Variants in NFASC observed in about 807,000 individuals in gnomAD.
NFASC encodes the protein neurofascin.
Under a neutral mutation model 147.5 loss-of-function variants are expected in NFASC, and 43 were observed. That is an observed-to-expected ratio of 0.29 (90% CI 0.23 to 0.38). The LOEUF (loss-of-function observed/expected upper bound fraction) is 0.38, where lower values mean the gene tolerates loss of function less well. NFASC is among the 10% of genes least tolerant of loss of function. NFASC has a pLI of 1.00. For synonymous variants in NFASC, 622 were observed against 665.5 expected (o/e 0.93, Z 1.01); for missense variants, 1,320 against 1,689.0 (o/e 0.78, Z 3.83).
At chr1:204,980,679 G>T (rs146980214) in intron 20 of NFASC, among the ~76,000 whole-genome samples, 1 of 152,120 alleles carries the variant, frequency 6.6e-6, no homozygotes, top group Non-Finnish European at 1.5e-5. Flanking sequence ...AGGGGACCAG[G>T]GTCCACCGAC....
intron 2 of NFASC, chr1:204,929,487 G>A (rs1268509448): frequency 6.6e-6 from 1 of 152,496 alleles, no homozygotes; most frequent in Non-Finnish European, 1.5e-5. Flanking sequence ...GGAGGCCGAG[G>A]TCCTGAAGCA....
chr1:204,879,867 A>G (rs889451359), intron 1 of NFASC, among the ~76,000 whole-genome samples: 2 of 152,218 alleles, frequency 1.3e-5, no homozygotes, highest in Non-Finnish European at 2.9e-5. Context: ...TATGAGGTAT[A>G]AAGGGCAATT....
Position 204,963,163 on chromosome 1 carries a change from C to T in NFASC, c.707-5086C>T, listed in dbSNP as rs2094772235. ...TGGAGAAGGGGATGGGATGAGGGAG[C>T]GCGAGCCAGGGAGAGAGGCAAAGGC... is the stretch of plus-strand genomic sequence containing the variant. On this transcript the variant is annotated intron_variant, in intron 8 of 29. Transcript: ENST00000339876. Among the ~76,000 whole-genome samples the T allele has an allele frequency of 3.3e-5, 5 of 152,216 alleles. No homozygotes were observed. In the South Asian group the frequency reaches 8.3e-4, roughly 25 times the overall value.
In NFASC at chr1:204,986,612, C is replaced by T. The variant is rs2095620629; in HGVS notation, c.2471-806C>T. ...CGCCTTCTGCAGGCCTATGGTTTCA[C>T]ATGGCCCTGGGGTCAAAACCCCTAT... On this transcript the variant is annotated intron_variant, in intron 21 of 29. Coordinates refer to ENST00000339876, the MANE Select transcript of NFASC (RefSeq NM_001005388.3). This position sits in a 1 kb window ranked among gnomAD's most constrained non-coding sequence, Gnocchi z 4.2. 1 of 170,388 alleles carries T rather than the reference C, an allele frequency of 5.9e-6. No homozygotes were observed. The highest frequency in any genetic ancestry group is 2.4e-5 in the African/African-American group (1 of 42,234). 10.6% of individuals were successfully genotyped at this position (170,388 alleles called of 1,614,324 possible).
At chr1:204,999,612 T>C (rs1379490973) in intron 25 of NFASC, 2 of 152,182 alleles carry the variant, frequency 1.3e-5, no homozygotes, top group Non-Finnish European at 2.9e-5. Context: ...CAAAGAAGCC[T>C]ACCTTCTCCC....
intron 1 of NFASC, among the ~76,000 whole-genome samples, chr1:204,831,590 A>C (rs9658872): frequency 0.24 from 36,430 of 151,716 alleles, 6,996 homozygotes; most frequent in East Asian, 0.78. Context: ...TGAGATCTTC[A>C]AGACCATGGA....
Position 205,016,489 on chromosome 1 carries a change from G to A in NFASC, c.3673G>A (p.Glu1225Lys), listed in dbSNP as rs1249999680. ...GGACAAGGAGGAAACAGAGGGCAAC[G>A]AAAGCTCAGAGGCCACGTCACCTGT... ...KKDKEETEGN[E>K]SSEATSPVNA... Residue 1225 changes from glutamate to lysine, a missense_variant, in exon 30 of 30, where the codon GAA (glutamate) becomes AAA (lysine). Transcript: ENST00000339876. The surrounding 1 kb of genome is among the most constrained non-coding windows in gnomAD (Gnocchi z 5.1). The A allele has an allele frequency of 7.4e-6, 12 of 1,614,036 alleles. No homozygotes were observed. The highest frequency in any genetic ancestry group is 2.2e-5 in the South Asian group (2 of 91,088).
At chr1:204,840,196 C>T (rs61487427) in intron 1 of NFASC, among the ~76,000 whole-genome samples, 32,596 of 151,822 alleles carry the variant, frequency 0.21, 5,244 homozygotes, top group East Asian at 0.52. Context: ...CAGTACTGCC[C>T]ATCTGCAAAC....
rs2090284051 is a variant in NFASC at position 204,920,753 on chromosome 1, T to C, written c.-91+13T>C. 1 of 1,235,146 alleles carries C rather than the reference T, an allele frequency of 8.1e-7. No individual in the cohort carries two copies. The highest frequency in any genetic ancestry group is 1.5e-5 in the African/African-American group (1 of 64,718). 76.5% of individuals were successfully genotyped at this position (1,235,146 alleles called of 1,614,324 possible). On this transcript the variant is annotated intron_variant, in intron 2 of 29. Transcript: ENST00000339876. ...TGAGGCAGAGAAGGTAAGCAGGACT[T>C]GGGCCTGGGGTATGTGTCATTGGAG...
chr1:204,924,625 T>C (rs1043364195), intron 2 of NFASC, among the ~76,000 whole-genome samples: 3 of 152,098 alleles, frequency 2.0e-5, no homozygotes, highest in African/African-American at 7.2e-5. Flanking sequence ...TGGCCTGGGA[T>C]TTTATAGGAG....
At chr1:204,955,050 G>A in intron 7 of NFASC, 99 bp downstream of exon 7, 2 of 1,448,388 alleles carry the variant, frequency 1.4e-6, no homozygotes, top group Non-Finnish European at 1.9e-6. Context: ...AGAAGGCCTT[G>A]ATTTGTGAGA....
Position 204,882,679 on chromosome 1 carries a change from G to T in NFASC, c.-199-37953G>T, listed in dbSNP as rs148601090. 1.4e-4 allele frequency among the ~76,000 whole-genome samples: 22 copies of T among 152,242 alleles called. No individual in the cohort carries two copies. The East Asian group carries it at 4.2e-3, about 29-fold the overall frequency. ...ATCCCATTGCCAAGAGCATTGCCTG[G>T]CACCTGTGAGGCCCTCGGTAAATAT... On this transcript the variant is annotated intron_variant, in intron 1 of 29. Transcript: ENST00000339876.
chr1:204,839,482 GC>G (rs1380866592), intron 1 of NFASC, among the ~76,000 whole-genome samples: 1 of 152,142 alleles, frequency 6.6e-6, no homozygotes, highest in Non-Finnish European at 1.5e-5. Flanking sequence ...GATGCAGGGT[GC>G]TGGAGGGGCC....
At chr1:204,839,214 A>AC (rs1219507010) in intron 1 of NFASC, among the ~76,000 whole-genome samples, 1 of 152,100 alleles carries the variant, frequency 6.6e-6, no homozygotes, top group Non-Finnish European at 1.5e-5. Flanking sequence ...AGTGGGTTTG[A>AC]CCCCTAGAAA....
In NFASC at chr1:204,920,704, T is replaced by C; in HGVS notation, c.-127T>C. 7.8e-7 allele frequency: 1 copy of C among 1,289,558 alleles called. No individual in the cohort carries two copies. The highest frequency in any genetic ancestry group is 1.0e-6 in the Non-Finnish European group (1 of 988,766). The allele number at this position is 1,289,558 out of a possible 1,614,324, so 79.9% of individuals were successfully genotyped here. A position where few individuals can be genotyped will look rare whatever the true frequency, so the allele number is the denominator to read the frequency against. On this transcript the variant is annotated 5_prime_UTR_variant, in exon 2 of 30. Transcript: ENST00000339876. ...CCGCAGCCTGGAACAGAGCCTCCTC[T>C]GGTGTTGCAAGGAAGAGGCTGAATG...
chr1:204,955,022 G>C, intron 7 of NFASC, 71 bp downstream of exon 7: 4 of 1,513,238 alleles, frequency 2.6e-6, no homozygotes, highest in Non-Finnish European at 3.6e-6. Context: ...GTTAAGTGGG[G>C]AGGGGCTTGC....
At chr1:204,988,121 G>A (rs558917269) in intron 22 of NFASC, among the ~76,000 whole-genome samples, 1 of 152,322 alleles carries the variant, frequency 6.6e-6, no homozygotes, top group South Asian at 2.1e-4. Flanking sequence ...TACCTCGTTA[G>A]GAAACTCAAA....
intron 1 of NFASC, among the ~76,000 whole-genome samples, chr1:204,843,078 C>T (rs1477166445): frequency 6.6e-6 from 1 of 152,146 alleles, no homozygotes. Context: ...TTCCTGAAAC[C>T]TTGACAAATA....
chr1:204,994,768 C>G (rs534727025), intron 24 of NFASC, among the ~76,000 whole-genome samples: 147 of 152,138 alleles, frequency 9.7e-4, no homozygotes, highest in African/African-American at 3.4e-3. Flanking sequence ...TCTAATGATG[C>G]CTTTTAGATA....
Sources: gnomAD v4.1 joint callset for allele counts (sites outside exome capture counted in the v4.1 genomes callset) on GRCh38, gnomAD v4.1.1 for gene constraint, Gnocchi (gnomAD v3.1) non-coding constraint, MANE v1.5 for transcripts, NCBI Gene and HGNC (gene_info 2026-07-23, HGNC 2026-07-21) for gene names.